Variants in VOPP1 observed in about 807,000 individuals in gnomAD.
The protein encoded by VOPP1 is VOPP1 WW domain binding protein, also known as WW domain binding protein VOPP1.
A neutral mutation model predicts 23.5 loss-of-function variants in VOPP1; 8 were observed. The ratio of observed to expected loss-of-function variants is 0.34; its 90% CI spans 0.20 to 0.61. The LOEUF is 0.61. Among genes scored for constraint, VOPP1 ranks in the 20% least tolerant of loss-of-function variants. VOPP1 has a pLI of 0.78. For synonymous variants in VOPP1, 83 were observed against 97.3 expected (o/e 0.85, Z 0.86); for missense variants, 174 against 238.1 (o/e 0.73, Z 1.77).
intron 4 of VOPP1, among the ~76,000 whole-genome samples, chr7:55,480,014 G>T (rs973329969): frequency 6.6e-6 from 1 of 152,196 alleles, no homozygotes; most frequent in African/African-American, 2.4e-5. Context: ...TTGTTAAGAA[G>T]ATCATGGTTG....
chr7:55,518,858 G>C (rs1795647836), intron 2 of VOPP1, among the ~76,000 whole-genome samples: 1 of 152,214 alleles, frequency 6.6e-6, no homozygotes, highest in African/African-American at 2.4e-5. Flanking sequence ...AATTTACAAA[G>C]ACGTGAGAAC....
intron 2 of VOPP1, among the ~76,000 whole-genome samples, chr7:55,513,620 C>T (rs897574631): frequency 6.6e-6 from 1 of 152,200 alleles, no homozygotes; most frequent in African/African-American, 2.4e-5. Flanking sequence ...TGCAAAAGAC[C>T]TCTAAAGATG....
chr7:55,561,633 G>A (rs1414106747), intron 1 of VOPP1, among the ~76,000 whole-genome samples: 1 of 147,916 alleles, frequency 6.8e-6, no homozygotes, highest in Non-Finnish European at 1.5e-5. Flanking sequence ...GGAGGCGGAG[G>A]TTGCAGTGAG....
chr7:55,464,669 G>A (rs1791588871), intron 4 of VOPP1, among the ~76,000 whole-genome samples: 1 of 152,220 alleles, frequency 6.6e-6, no homozygotes, highest in African/African-American at 2.4e-5. Context: ...TCCAGCCAGT[G>A]TTGTGATGCT....
At chr7:55,445,486 A>C (rs542519235) in intron 4 of VOPP1, among the ~76,000 whole-genome samples, 1 of 152,268 alleles carries the variant, frequency 6.6e-6, no homozygotes, top group African/African-American at 2.4e-5. Context: ...TGTTCCCCCA[A>C]TTGACTTTGA....
At chr7:55,459,365 G>A (rs1453218791) in intron 4 of VOPP1, among the ~76,000 whole-genome samples, 2 of 152,110 alleles carry the variant, frequency 1.3e-5, no homozygotes, top group African/African-American at 4.8e-5. Context: ...TGGTTTTGGT[G>A]TCAGGGTTGT....
intron 4 of VOPP1, among the ~76,000 whole-genome samples, chr7:55,460,858 CTGTA>C (rs1791482486): frequency 6.6e-6 from 1 of 152,126 alleles, no homozygotes; most frequent in African/African-American, 2.4e-5. Flanking sequence ...CACTTTCAGT[CTGTA>C]TGTGTCTTTA....
chr7:55,474,364 T>TA (rs150046420), intron 4 of VOPP1, among the ~76,000 whole-genome samples: 4,141 of 152,338 alleles, frequency 0.027, 201 homozygotes, highest in African/African-American at 0.095. Flanking sequence ...GTTATACAAT[T>TA]AAAAAACCAA....
chr7:55,572,137 G>T, intron 1 of VOPP1, 134 bp downstream of exon 1: 1 of 618,350 alleles, frequency 1.6e-6, no homozygotes, highest in South Asian at 2.3e-5. Context: ...GAGGCGCGCA[G>T]GGCTGTGGCT....
chr7:55,568,003 A>C (rs879299633), intron 1 of VOPP1, among the ~76,000 whole-genome samples: 24 of 152,062 alleles, frequency 1.6e-4, no homozygotes, highest in Admixed American at 1.6e-3. Flanking sequence ...CTTCAGAAAA[A>C]TACTCAGTGA....
chr7:55,542,014 T>C (rs1249531213), intron 1 of VOPP1, among the ~76,000 whole-genome samples: 2 of 152,242 alleles, frequency 1.3e-5, no homozygotes, highest in African/African-American at 4.8e-5. Context: ...CCTGTGACTC[T>C]ATCAAAAATT....
At chr7:55,517,526 C>T (rs1028637928) in intron 2 of VOPP1, among the ~76,000 whole-genome samples, 1 of 152,194 alleles carries the variant, frequency 6.6e-6, no homozygotes, top group Non-Finnish European at 1.5e-5. Context: ...CCAGCCTCTC[C>T]TGCATCCCCA....
At chr7:55,452,809 T>G (rs1791277024) in intron 4 of VOPP1, among the ~76,000 whole-genome samples, 1 of 152,206 alleles carries the variant, frequency 6.6e-6, no homozygotes, top group South Asian at 2.1e-4. Flanking sequence ...TCATCCAAGC[T>G]TTGTTGTTCC....
At chr7:55,544,894 C>T (rs1044840122) in intron 1 of VOPP1, among the ~76,000 whole-genome samples, 61 of 152,316 alleles carry the variant, frequency 4.0e-4, no homozygotes, top group African/African-American at 1.4e-3. Context: ...AATGATGATA[C>T]TAAATGTGGA....
chr7:55,492,132 CACAAT>C, intron 4 of VOPP1, 145 bp downstream of exon 4: 9 of 1,137,314 alleles, frequency 7.9e-6, no homozygotes, highest in Non-Finnish European at 9.6e-6. Flanking sequence ...TGCACAAATG[CACAAT>C]GGAGCTGGTC....
chr7:55,499,946 C>T (rs973538947), intron 2 of VOPP1, among the ~76,000 whole-genome samples: 9 of 152,026 alleles, frequency 5.9e-5, no homozygotes, highest in Non-Finnish European at 1.2e-4. Context: ...GTGTGTGTGC[C>T]TGTGTGTGTG....
chr7:55,560,411 G>A (rs1797947322), intron 1 of VOPP1, among the ~76,000 whole-genome samples: 1 of 152,090 alleles, frequency 6.6e-6, no homozygotes, highest in African/African-American at 2.4e-5. Context: ...TAATCTCAAG[G>A]GTCTTTACAG....
intron 1 of VOPP1, chr7:55,538,761 G>A (rs1039028515): frequency 2.6e-5 from 27 of 1,043,868 alleles, no homozygotes; most frequent in Non-Finnish European, 3.6e-5. Flanking sequence ...CTTTCTAAGG[G>A]GAATGCTGTG....
At chr7:55,541,063 C>A (rs780986074) in intron 1 of VOPP1, among the ~76,000 whole-genome samples, 1 of 152,070 alleles carries the variant, frequency 6.6e-6, no homozygotes, top group Admixed American at 6.5e-5. Flanking sequence ...TGATAAGGAA[C>A]GTATTTAAAG....
Sources: gnomAD v4.1 joint callset for allele counts (sites outside exome capture counted in the v4.1 genomes callset) on GRCh38, gnomAD v4.1.1 for gene constraint, MANE v1.5 for transcripts, NCBI Gene and HGNC (gene_info 2026-07-23, HGNC 2026-07-21) for gene names.